PPP2R2A: variants seen among roughly 807,000 people sequenced by gnomAD.
PPP2R2A encodes serine/threonine-protein phosphatase 2A 55 kDa regulatory subunit B alpha isoform.
In PPP2R2A, 9 loss-of-function variants were observed where a neutral mutation model predicts 53.2. The observed-to-expected ratio is 0.17, with a 90% CI of 0.10 to 0.30. The LOEUF (loss-of-function observed/expected upper bound fraction) is 0.30. PPP2R2A is among the 10% of genes least tolerant of loss of function. The pLI is 1.00. For missense variants in PPP2R2A, 235 were observed against 534.6 expected, an observed-to-expected ratio of 0.44 and a Z score of 5.53; for synonymous variants, 169 against 174.2, an observed-to-expected ratio of 0.97 and a Z score of 0.23.
chr8:26,346,449 C>T (rs922703946), intron 3 of PPP2R2A, among the ~76,000 whole-genome samples: 4 of 152,082 alleles, frequency 2.6e-5, no homozygotes, highest in African/African-American at 9.7e-5. Context: ...CTGGTTATTA[C>T]ATTATTTATT....
chr8:26,315,223 A>C (rs766133432), intron 2 of PPP2R2A, among the ~76,000 whole-genome samples: 6 of 152,098 alleles, frequency 3.9e-5, no homozygotes, highest in Non-Finnish European at 5.9e-5. Context: ...ATGAGGTAGT[A>C]AGAGTAAATT....
At chr8:26,324,267 A>G (rs1802980394) in intron 2 of PPP2R2A, among the ~76,000 whole-genome samples, 1 of 152,118 alleles carries the variant, frequency 6.6e-6, no homozygotes, top group Admixed American at 6.5e-5. Context: ...ATGACTTTTT[A>G]TTGTTTTAGG....
At chr8:26,302,840 ATTT>A (rs1801848442) in intron 2 of PPP2R2A, among the ~76,000 whole-genome samples, 1 of 152,152 alleles carries the variant, frequency 6.6e-6, no homozygotes, top group Non-Finnish European at 1.5e-5. Context: ...GGATGTAGTC[ATTT>A]TTCATAACAT....
In PPP2R2A at chr8:26,362,078, A is replaced by T. The variant is rs752816503; in HGVS notation, c.638-606A>T. On this transcript the variant is annotated intron_variant, in intron 6 of 9. Coordinates refer to ENST00000380737, the MANE Select transcript of PPP2R2A (RefSeq NM_002717.4). The surrounding 1 kb of genome is among the most constrained non-coding windows in gnomAD (Gnocchi z 4.4). ...TAAGATTAATTTTAAGATTAGAAAA[A>T]GATTAATAATTAGATTAGATTAGAA... 4.0e-5 allele frequency among the ~76,000 whole-genome samples: 6 copies of T among 150,690 alleles called. No homozygotes were observed. Among genetic ancestry groups the T allele is most frequent in the Non-Finnish European group, 5.9e-5 (4 of 67,690 alleles).
At chr8:26,320,165 G>T (rs1023307617) in intron 2 of PPP2R2A, among the ~76,000 whole-genome samples, 9 of 152,210 alleles carry the variant, frequency 5.9e-5, no homozygotes, top group African/African-American at 1.7e-4. Context: ...ATAGCTACCT[G>T]TGTTGGTTAT....
chr8:26,331,381 C>T (rs1253565304), intron 2 of PPP2R2A, among the ~76,000 whole-genome samples: 2 of 152,276 alleles, frequency 1.3e-5, no homozygotes, highest in African/African-American at 2.4e-5. Context: ...GAAACAAGAC[C>T]AGTTATCAGA....
At chr8:26,332,649 G>T (rs116509024) in intron 2 of PPP2R2A, among the ~76,000 whole-genome samples, 6,343 of 152,162 alleles carry the variant, frequency 0.042, 116 homozygotes, top group Middle Eastern at 0.068. Context: ...CACATTAGGG[G>T]GTAGAATTTA....
intron 2 of PPP2R2A, among the ~76,000 whole-genome samples, chr8:26,309,936 C>T (rs1014827895): frequency 6.6e-6 from 1 of 151,874 alleles, no homozygotes; most frequent in Admixed American, 6.6e-5. Flanking sequence ...TGAAGTTTTG[C>T]AAGAATTACC....
chr8:26,357,890 C>T (rs1047053712), intron 4 of PPP2R2A, among the ~76,000 whole-genome samples: 1 of 152,098 alleles, frequency 6.6e-6, no homozygotes, highest in African/African-American at 2.4e-5. Context: ...AACGTCTCCA[C>T]TGAAAACTGT....
Position 26,291,739 on chromosome 8 carries a change from C to G in PPP2R2A, c.-81C>G. 6.6e-7 allele frequency: 1 copy of G among 1,516,000 alleles called. No homozygotes were observed. The highest frequency in any genetic ancestry group is 9.0e-7 in the Non-Finnish European group (1 of 1,112,368). The allele number at this position is 1,516,000 out of a possible 1,614,324, so 93.9% of individuals were successfully genotyped here. A position where few individuals can be genotyped will look rare whatever the true frequency, so the allele number is the denominator to read the frequency against. On this transcript the variant is annotated 5_prime_UTR_variant, in exon 1 of 10. Transcript: ENST00000380737. ...TCCGCCGCCATCCGCCCTCTCTACCCCCCCATCCCCAGGTGAGGGGGGTGA... is the reference window on the plus strand; with the variant it reads ...TCCGCCGCCATCCGCCCTCTCTACCGCCCCATCCCCAGGTGAGGGGGGTGA...
chr8:26,358,036 T>A (rs1804883088), intron 4 of PPP2R2A, among the ~76,000 whole-genome samples: 1 of 152,152 alleles, frequency 6.6e-6, no homozygotes, highest in Non-Finnish European at 1.5e-5. Flanking sequence ...AAAATTTATG[T>A]CATATTTATT....
rs984728546 is a variant in PPP2R2A at position 26,370,113 on chromosome 8, G to A, written c.1065-21G>A. The A allele has an allele frequency of 6.2e-7, 1 of 1,603,978 alleles. No individual in the cohort carries two copies. Among genetic ancestry groups the A allele is most frequent in the Non-Finnish European group, 8.5e-7 (1 of 1,172,244 alleles). Reference sequence around the variant, plus strand: ...TTTCTTGTTCTGCTTGTTTGACTGAGTGTACTGTCTATTTTCACAGTGTTG... The same window carrying A: ...TTTCTTGTTCTGCTTGTTTGACTGAATGTACTGTCTATTTTCACAGTGTTG... On this transcript the variant is annotated intron_variant, in intron 9 of 9. Transcript: ENST00000380737. This position sits in a 1 kb window ranked among gnomAD's most constrained non-coding sequence, Gnocchi z 6.1.
intron 2 of PPP2R2A, among the ~76,000 whole-genome samples, chr8:26,324,665 A>G (rs992054918): frequency 5.9e-5 from 9 of 152,168 alleles, no homozygotes; most frequent in Non-Finnish European, 8.8e-5. Context: ...GAAGAGGGCT[A>G]CCATCCTCCA....
chr8:26,329,707 G>T (rs938800722), intron 2 of PPP2R2A, among the ~76,000 whole-genome samples: 2 of 152,146 alleles, frequency 1.3e-5, no homozygotes, highest in Non-Finnish European at 2.9e-5. Context: ...AAAAAGCTTG[G>T]TTATTTTCTA....
chr8:26,326,027 G>C (rs536843715), intron 2 of PPP2R2A, among the ~76,000 whole-genome samples: 254 of 152,194 alleles, frequency 1.7e-3, no homozygotes, highest in African/African-American at 6.0e-3. Context: ...TGTAGAGACG[G>C]GTTTTCGCCA....
chr8:26,328,253 G>A (rs1330464816), intron 2 of PPP2R2A, among the ~76,000 whole-genome samples: 1 of 152,104 alleles, frequency 6.6e-6, no homozygotes, highest in Non-Finnish European at 1.5e-5. Context: ...TAGTCCTTTT[G>A]TTCTCAATAT....
intron 4 of PPP2R2A, among the ~76,000 whole-genome samples, chr8:26,359,937 G>A (rs1429802237): frequency 6.6e-6 from 1 of 152,044 alleles, no homozygotes; most frequent in Non-Finnish European, 1.5e-5. Context: ...ACCTGTCTGT[G>A]ACTTGATTTG....
At chr8:26,341,937 C>G (rs1394327938) in intron 3 of PPP2R2A, among the ~76,000 whole-genome samples, 1 of 152,186 alleles carries the variant, frequency 6.6e-6, no homozygotes, top group Non-Finnish European at 1.5e-5. Context: ...TAGTCTCCTT[C>G]CTGTGATCCA....
intron 2 of PPP2R2A, among the ~76,000 whole-genome samples, chr8:26,326,448 CTT>C (rs369396958): frequency 4.6e-5 from 7 of 152,284 alleles, no homozygotes; most frequent in African/African-American, 1.7e-4. Context: ...TATTTTGCCT[CTT>C]TGTTTTCAGT....
Sources: allele counts gnomAD v4.1 joint callset (sites outside exome capture counted in the v4.1 genomes callset), GRCh38; gene constraint gnomAD v4.1.1; non-coding constraint Gnocchi (gnomAD v3.1); transcripts MANE v1.5; gene names NCBI Gene and HGNC (gene_info 2026-07-23, HGNC 2026-07-21).